The following DPYD variants were observed in gnomAD, a reference collection of about 807,000 sequenced individuals.
The protein encoded by DPYD is dihydropyrimidine dehydrogenase [NADP(+)].
Under a neutral mutation model 116.2 loss-of-function variants are expected in DPYD, and 109 were observed. The observed-to-expected ratio is 0.94, with a 90% confidence interval of 0.80 to 1.10. The LOEUF is 1.10. Ranked by LOEUF, DPYD falls within the 50% of genes least tolerant of loss-of-function variation. The pLI is 0.00. For synonymous variants in DPYD, 440 were observed against 432.0 expected, an observed-to-expected ratio of 1.02 and a Z score of -0.23; for missense variants, 1,302 against 1,254.5, an observed-to-expected ratio of 1.04 and a Z score of -0.57.
intron 14 of DPYD, among the ~76,000 whole-genome samples, chr1:97,442,160 C>T (rs1372150669): frequency 1.3e-5 from 2 of 152,006 alleles, no homozygotes; most frequent in Non-Finnish European, 2.9e-5. Flanking sequence ...CTTTATGTAG[C>T]TCTCTGCTTT....
intron 18 of DPYD, among the ~76,000 whole-genome samples, chr1:97,263,841 AAAAC>A (rs1664042755): frequency 6.6e-6 from 1 of 152,106 alleles, no homozygotes; most frequent in African/African-American, 2.4e-5. Flanking sequence ...AAATATTTCC[AAAAC>A]AAACAAAATA....
intron 8 of DPYD, among the ~76,000 whole-genome samples, chr1:97,608,144 A>T (rs1655719465): frequency 6.6e-6 from 1 of 151,914 alleles, no homozygotes; most frequent in South Asian, 2.1e-4. Flanking sequence ...ACATCACATG[A>T]AATCCCAGGA....
intron 2 of DPYD, among the ~76,000 whole-genome samples, chr1:97,874,895 A>G (rs1334521975): frequency 6.6e-6 from 1 of 152,052 alleles, no homozygotes; most frequent in South Asian, 2.1e-4. Flanking sequence ...ACAACAAAAA[A>G]CTGCTAATTA....
intron 4 of DPYD, among the ~76,000 whole-genome samples, chr1:97,728,861 T>C (rs905647698): frequency 1.3e-5 from 2 of 151,992 alleles, no homozygotes; most frequent in Non-Finnish European, 2.9e-5. Flanking sequence ...GAACAACCTG[T>C]GGGTCCTCAG....
chr1:97,711,063 CTTA>C lies in DPYD; in HGVS notation c.483+10444_483+10446del, dbSNP rs371172164. On this transcript the variant is annotated intron_variant, in intron 5 of 22. Transcript: ENST00000370192. The stretch of plus-strand genomic sequence containing the variant: ...AACTTCTTGTGATGAATGCCTTTTC[CTTA>C]CAAGGCACTCTCTGGGGAACTTAAT... Among the ~76,000 whole-genome samples, 41 of 151,872 alleles carry C rather than the reference CTTA, an allele frequency of 2.7e-4. No individual in the cohort carries two copies. The East Asian group carries it at 6.4e-3, about 24-fold the overall frequency.
intron 20 of DPYD, among the ~76,000 whole-genome samples, chr1:97,116,432 G>T (rs533403758): frequency 6.6e-6 from 1 of 152,216 alleles, no homozygotes; most frequent in South Asian, 2.1e-4. Flanking sequence ...CAGAACTTCG[G>T]GGGGCCAAGG....
intron 18 of DPYD, among the ~76,000 whole-genome samples, chr1:97,285,475 A>G (rs1466783999): frequency 2.6e-5 from 4 of 152,212 alleles, no homozygotes; most frequent in Admixed American, 2.6e-4. Context: ...CAGTATCCTT[A>G]TAATTGCTCT....
intron 10 of DPYD, among the ~76,000 whole-genome samples, chr1:97,581,820 G>C (rs1327633473): frequency 2.9e-4 from 44 of 151,616 alleles, no homozygotes; most frequent in Admixed American, 2.9e-3. Context: ...AAGAAAAGTA[G>C]GAATTAATCA....
chr1:97,620,082 T>C (rs1300291726), intron 8 of DPYD, among the ~76,000 whole-genome samples: 1 of 152,086 alleles, frequency 6.6e-6, no homozygotes, highest in African/African-American at 2.4e-5. Flanking sequence ...TAGCCTGGGT[T>C]ACACTCAGAT....
At chr1:97,254,134 A>G (rs1663285675) in intron 18 of DPYD, among the ~76,000 whole-genome samples, 2 of 152,148 alleles carry the variant, frequency 1.3e-5, no homozygotes, top group African/African-American at 4.8e-5. Flanking sequence ...TCTTTATAAG[A>G]GTAACTGGAA....
At chr1:97,715,629 T>G (rs1662572315) in intron 5 of DPYD, among the ~76,000 whole-genome samples, 1 of 152,132 alleles carries the variant, frequency 6.6e-6, no homozygotes, top group Non-Finnish European at 1.5e-5. Context: ...TGATTATTAA[T>G]AATGTCCTGA....
chr1:97,668,788 A>C (rs187760851), intron 8 of DPYD, among the ~76,000 whole-genome samples: 166 of 152,236 alleles, frequency 1.1e-3, no homozygotes, highest in Non-Finnish European at 1.9e-3. Context: ...AGGAATGATA[A>C]ATTTATTAGT....
At chr1:97,698,769 C>A (rs61790060) in intron 6 of DPYD, among the ~76,000 whole-genome samples, 18,346 of 151,432 alleles carry the variant, frequency 0.12, 1,200 homozygotes, top group African/African-American at 0.13. Flanking sequence ...ATATGTGTCC[C>A]GTATAGAGTT....
At chr1:97,815,022 A>AGGAG (rs1668521544) in intron 3 of DPYD, among the ~76,000 whole-genome samples, 1 of 150,218 alleles carries the variant, frequency 6.7e-6, no homozygotes, top group South Asian at 2.1e-4. Flanking sequence ...GGAAAAGGAA[A>AGGAG]GGAGGAAGGA....
At chr1:97,345,447 C>T (rs1669792870) in intron 16 of DPYD, among the ~76,000 whole-genome samples, 1 of 151,788 alleles carries the variant, frequency 6.6e-6, no homozygotes, top group South Asian at 2.1e-4. Flanking sequence ...GTGATCAAAA[C>T]AAAAGTAAGA....
intron 1 of DPYD, among the ~76,000 whole-genome samples, chr1:97,906,915 T>C (rs1558045644): frequency 6.6e-6 from 1 of 152,140 alleles, no homozygotes; most frequent in African/African-American, 2.4e-5. Flanking sequence ...TTGGCATATA[T>C]GAATTGTCTC....
intron 18 of DPYD, among the ~76,000 whole-genome samples, chr1:97,237,866 A>C (rs1385382213): frequency 6.6e-6 from 1 of 152,156 alleles, no homozygotes; most frequent in Non-Finnish European, 1.5e-5. Flanking sequence ...TTGACCCAAG[A>C]GAGTAAATTT....
intron 18 of DPYD, among the ~76,000 whole-genome samples, chr1:97,280,399 C>T (rs1306890495): frequency 6.6e-6 from 1 of 152,070 alleles, no homozygotes. Context: ...CAAGAAGAAA[C>T]CACCAAAGAA....
chr1:97,556,820 G>A (rs1229271608), intron 11 of DPYD, among the ~76,000 whole-genome samples: 2 of 151,340 alleles, frequency 1.3e-5, no homozygotes, highest in Non-Finnish European at 3.0e-5. Flanking sequence ...AAACATACAT[G>A]TGCATGTGTC....
Sources: gnomAD v4.1 joint callset for allele counts (sites outside exome capture counted in the v4.1 genomes callset) on GRCh38, gnomAD v4.1.1 for gene constraint, MANE v1.5 for transcripts, NCBI Gene and HGNC (gene_info 2026-07-23, HGNC 2026-07-21) for gene names.